Variants in COL4A4 observed in about 807,000 individuals in gnomAD.
COL4A4 encodes the protein collagen type IV alpha 4 chain, also known as collagen alpha-4(IV) chain.
COL4A4 carries 105 observed loss-of-function variants against 192.9 expected under a neutral mutation model. The observed-to-expected ratio is 0.54, with a 90% CI of 0.46 to 0.64. COL4A4 has a LOEUF of 0.64. Ranked by LOEUF, COL4A4 falls within the 30% of genes least tolerant of loss-of-function variation. COL4A4 has a pLI of 0.00. For synonymous variants in COL4A4, 762 were observed against 769.9 expected (o/e 0.99, Z 0.17); for missense variants, 1,967 against 2,169.3 (o/e 0.91, Z 1.85).
Position 227,005,460 on chromosome 2 carries a change from T to G in COL4A4, c.*1865A>C, listed in dbSNP as rs1446253135. 1 of 152,182 alleles carries G rather than the reference T, an allele frequency of 6.6e-6. No homozygotes were observed. The highest frequency in any genetic ancestry group is 1.5e-5 in the Non-Finnish European group (1 of 68,034). The allele number at this position is 152,182 out of a possible 1,614,324, so 9.4% of individuals were successfully genotyped here. A position where few individuals can be genotyped will look rare whatever the true frequency, so the allele number is the denominator to read the frequency against. ...ATAAGATTGAAATTGGCTTAAGTTT[T>G]AGGTGCACAAAAATATTCAACATGC... On this transcript the variant is annotated 3_prime_UTR_variant, in exon 48 of 48. Coordinates refer to ENST00000396625, the MANE Select transcript of COL4A4 (RefSeq NM_000092.5).
chr2:227,052,637 G>A (rs577330058), intron 31 of COL4A4, among the ~76,000 whole-genome samples: 1 of 152,306 alleles, frequency 6.6e-6, no homozygotes, highest in South Asian at 2.1e-4. Flanking sequence ...GGTGTGCCAG[G>A]AGTGCTCACT....
intron 18 of COL4A4, 57 bp downstream of exon 18, chr2:227,099,563 G>A: frequency 6.7e-7 from 1 of 1,501,618 alleles, no homozygotes; most frequent in Non-Finnish European, 9.3e-7. Flanking sequence ...CTTCTGTCCT[G>A]GCCACTCAAC....
the COL4A4 span, among the ~76,000 whole-genome samples, chr2:226,979,180 G>T: frequency 3.9e-5 from 6 of 152,080 alleles, no homozygotes; most frequent in African/African-American, 1.4e-4. Context: ...CCCCCAAGAG[G>T]CCACTGCTGA....
intron 25 of COL4A4, among the ~76,000 whole-genome samples, chr2:227,064,895 G>A (rs140406216): frequency 1.3e-5 from 2 of 152,228 alleles, no homozygotes; most frequent in African/African-American, 2.4e-5. Context: ...GAAGATGGCC[G>A]AATAGGAACA....
chr2:227,018,526 C>T (rs948200919), intron 44 of COL4A4, among the ~76,000 whole-genome samples: 1 of 152,140 alleles, frequency 6.6e-6, no homozygotes, highest in African/African-American at 2.4e-5. Flanking sequence ...AACCCAGAGG[C>T]TCCTATCAGA....
At chr2:227,129,458 G>T (rs2125136207) in intron 4 of COL4A4, among the ~76,000 whole-genome samples, 1 of 146,662 alleles carries the variant, frequency 6.8e-6, no homozygotes, top group East Asian at 2.0e-4. Flanking sequence ...CACCCAGGCT[G>T]GAGTACAGTG....
chr2:227,033,358 T>A, intron 38 of COL4A4, 52 bp downstream of exon 38: 1 of 1,461,988 alleles, frequency 6.8e-7, no homozygotes. Flanking sequence ...CCACTTTCTC[T>A]CATGAACCAT....
chr2:227,041,766 G>A (rs1970977721), intron 37 of COL4A4, among the ~76,000 whole-genome samples: 12 of 114,446 alleles, frequency 1.0e-4, no homozygotes, highest in East Asian at 5.9e-4. Context: ...AAGGAAGGAA[G>A]GAAGGAAGGA....
Position 227,056,000 on chromosome 2 carries a change from T to A in COL4A4, c.2661A>T (p.Pro887=). Residue 887 remains proline (P), a synonymous_variant, in exon 30 of 48, where the codon CCA becomes CCT. Coordinates refer to ENST00000396625, the MANE Select transcript of COL4A4 (RefSeq NM_000092.5). ...CATCTCCAAAGGGACCTGGGATTCC[T>A]GGGAGGCCTGGGGGACCATGTGCCC... The part of the protein sequence containing the change: ...RPGAHGPPGL[P]GIPGPFGDDG... The A allele has an allele frequency of 6.2e-7, 1 of 1,614,002 alleles. No individual in the cohort carries two copies. Among genetic ancestry groups the A allele is most frequent in the Non-Finnish European group, 8.5e-7 (1 of 1,179,938 alleles).
chr2:227,043,516 T>C (rs1971865408), intron 35 of COL4A4, among the ~76,000 whole-genome samples: 2 of 152,326 alleles, frequency 1.3e-5, no homozygotes, highest in South Asian at 2.1e-4. Flanking sequence ...CAGTAGCTTT[T>C]TGAGTCAATC....
intron 25 of COL4A4, among the ~76,000 whole-genome samples, chr2:227,076,884 A>G (rs1436352193): frequency 6.6e-6 from 1 of 152,232 alleles, no homozygotes; most frequent in Non-Finnish European, 1.5e-5. Context: ...ACAAACATGA[A>G]AAAAAGCTTT....
intron 21 of COL4A4, among the ~76,000 whole-genome samples, chr2:227,089,260 T>G (rs919226723): frequency 1.3e-5 from 2 of 152,118 alleles, no homozygotes; most frequent in African/African-American, 4.8e-5. Flanking sequence ...AAGAAGGATT[T>G]TGATTGCATT....
intron 22 of COL4A4, among the ~76,000 whole-genome samples, chr2:227,086,508 T>C (rs554767593): frequency 2.5e-4 from 38 of 151,998 alleles, no homozygotes; most frequent in African/African-American, 9.2e-4. Context: ...TGCCCCATGG[T>C]ATGACCCTGG....
chr2:227,098,253 C>T (rs2060311406), intron 19 of COL4A4, among the ~76,000 whole-genome samples: 1 of 152,246 alleles, frequency 6.6e-6, no homozygotes, highest in African/African-American at 2.4e-5. Context: ...ACAGGGAGAG[C>T]CTTCCAGCAG....
intron 25 of COL4A4, among the ~76,000 whole-genome samples, chr2:227,062,889 T>TA (rs1385345127): frequency 6.6e-6 from 1 of 152,176 alleles, no homozygotes; most frequent in Admixed American, 6.5e-5. Flanking sequence ...ATGTAGATGA[T>TA]AAAAATGTAA....
At chr2:226,983,472 A>C in the COL4A4 span, among the ~76,000 whole-genome samples, 1 of 152,152 alleles carries the variant, frequency 6.6e-6, no homozygotes, top group Non-Finnish European at 1.5e-5. Flanking sequence ...TTCTTTTCCC[A>C]GGCCCAACAG....
chr2:227,077,684 A>C (rs2150470940), intron 25 of COL4A4, among the ~76,000 whole-genome samples: 1 of 149,588 alleles, frequency 6.7e-6, no homozygotes, highest in Middle Eastern at 3.4e-3. Flanking sequence ...AAAAAGAAAA[A>C]CACTTGAATA....
At chr2:227,067,823 C>A (rs2058443480) in intron 25 of COL4A4, among the ~76,000 whole-genome samples, 1 of 150,146 alleles carries the variant, frequency 6.7e-6, no homozygotes, top group African/African-American at 2.5e-5. Context: ...AAAGCAAGAG[C>A]AAACACATTC....
At chr2:227,161,684 G>A (rs2064844494) in intron 1 of COL4A4, among the ~76,000 whole-genome samples, 1 of 152,154 alleles carries the variant, frequency 6.6e-6, no homozygotes. Flanking sequence ...GGAGATCTTG[G>A]TGAATGTGGG....
Sources: gnomAD v4.1 joint callset for allele counts (sites outside exome capture counted in the v4.1 genomes callset) on GRCh38, gnomAD v4.1.1 for gene constraint, MANE v1.5 for transcripts, NCBI Gene and HGNC (gene_info 2026-07-23, HGNC 2026-07-21) for gene names.